Variants in PWWP3A observed in about 807,000 individuals in gnomAD.
PWWP3A encodes PWWP domain-containing DNA repair factor 3A.
A neutral mutation model predicts 79.0 loss-of-function variants in PWWP3A; 53 were observed. The ratio of observed to expected loss-of-function variants is 0.67; its 90% CI spans 0.54 to 0.84. The LOEUF is 0.84. Ranked by LOEUF, PWWP3A falls within the 40% of genes least tolerant of loss-of-function variation. The pLI, the probability that PWWP3A is intolerant of heterozygous loss-of-function variation, is 0.00. For synonymous variants in PWWP3A, 443 were observed against 394.4 expected (o/e 1.12, Z -1.46); for missense variants, 973 against 948.0 (o/e 1.03, Z -0.35).
rs1482930212 is a variant in PWWP3A at position 1,369,257 on chromosome 19, C to T, written c.1423-8C>T. 3 of 1,613,868 alleles carry T rather than the reference C, an allele frequency of 1.9e-6. No homozygotes were observed. Among genetic ancestry groups the T allele is most frequent in the African/African-American group, 2.7e-5 (2 of 74,936 alleles). ...CCACTGACGCCTGCTGCCCGGATCT[C>T]ATTGTAGAATCAAGCCAGGGAGGAC... On this transcript the variant is annotated splice_region_variant and splice_polypyrimidine_tract_variant and intron_variant, in intron 9 of 13. Coordinates refer to ENST00000591337, the MANE Select transcript of PWWP3A (RefSeq NM_001369789.1). This position sits in a 1 kb window ranked among gnomAD's most constrained non-coding sequence, Gnocchi z 4.0.
intron 7 of PWWP3A, among the ~76,000 whole-genome samples, chr19:1,365,551 G>A (rs1163969717): frequency 6.6e-6 from 1 of 152,278 alleles, no homozygotes; most frequent in East Asian, 1.9e-4. Context: ...GAATCTGTGT[G>A]GTGTTCGCTG....
chr19:1,367,588 G>A (rs760811686), intron 9 of PWWP3A, among the ~76,000 whole-genome samples: 6 of 152,330 alleles, frequency 3.9e-5, no homozygotes, highest in Non-Finnish European at 5.9e-5. Flanking sequence ...CGGTGGCCTC[G>A]GTAGCCAGCC....
intron 13 of PWWP3A, 48 bp downstream of exon 13, chr19:1,373,208 C>A: frequency 1.3e-6 from 2 of 1,546,444 alleles, no homozygotes; most frequent in African/African-American, 1.4e-5. Flanking sequence ...CTCTGCCTTG[C>A]AGTTTCTATT....
chr19:1,360,587 G>C lies in PWWP3A; in HGVS notation c.666G>C (p.Ala222=), dbSNP rs201842628. 22 of 1,614,090 alleles carry C rather than the reference G, an allele frequency of 1.4e-5. No homozygotes were observed. Among genetic ancestry groups the C allele is most frequent in the Non-Finnish European group, 1.7e-6 (2 of 1,180,046 alleles). Residue 222 remains alanine (A), a synonymous_variant, in exon 5 of 14, where the codon GCG becomes GCC. Coordinates refer to ENST00000591337, the MANE Select transcript of PWWP3A (RefSeq NM_001369789.1). The surrounding 1 kb of genome is among the most constrained non-coding windows in gnomAD (Gnocchi z 4.4). ...TLASKRGGNS[A]QKASLCLNGS... ...CAAGTAAGAGGGGAGGAAACTCAGC[G>C]CAGAAGGCTAGCTTGTGCCTGAATG...
Position 1,362,249 on chromosome 19 carries a change from G to C in PWWP3A, c.1112-1G>C, listed in dbSNP as rs770716688. 6.2e-7 allele frequency: 1 copy of C among 1,608,162 alleles called. No individual in the cohort carries two copies. Among genetic ancestry groups the C allele is most frequent in the Non-Finnish European group, 8.5e-7 (1 of 1,177,740 alleles). On this transcript the variant is annotated splice_acceptor_variant, in intron 5 of 13. Coordinates refer to ENST00000591337, the MANE Select transcript of PWWP3A (RefSeq NM_001369789.1). LOFTEE classifies it high-confidence loss of function. ...AAAGTCTAATATCACATTATTGGCAGAGTGCCAGTCTTCCGAAGAGTCCAT... is the reference window on the plus strand; with the variant it reads ...AAAGTCTAATATCACATTATTGGCACAGTGCCAGTCTTCCGAAGAGTCCAT...
intron 4 of PWWP3A, 105 bp downstream of exon 4, chr19:1,358,569 A>T (rs756960695): frequency 6.2e-6 from 10 of 1,601,772 alleles, no homozygotes; most frequent in Non-Finnish European, 8.5e-6. Context: ...CCTGTTCACC[A>T]TGTTTTTCTT....
At chr19:1,376,096 A>G (rs547098350) in intron 13 of PWWP3A, among the ~76,000 whole-genome samples, 1 of 148,780 alleles carries the variant, frequency 6.7e-6, no homozygotes, top group African/African-American at 2.5e-5. Flanking sequence ...GGCGTGAGCC[A>G]AAGTGCCTGG....
chr19:1,377,108 T>C lies in PWWP3A; in HGVS notation c.*532T>C, dbSNP rs916386660. ...GCAGCTGTGAGGAAACAGCCTTCGT[T>C]AGAGGCGGGAGCAGAGACGAGCCGC... On this transcript the variant is annotated 3_prime_UTR_variant, in exon 14 of 14. Transcript: ENST00000591337. 1.3e-5 allele frequency: 2 copies of C among 152,660 alleles called. No individual in the cohort carries two copies. Among genetic ancestry groups the C allele is most frequent in the African/African-American group, 4.8e-5 (2 of 41,356 alleles). 9.5% of individuals were successfully genotyped at this position (152,660 alleles called of 1,614,324 possible).
chr19:1,358,282 A>C lies in PWWP3A; in HGVS notation c.144-112A>C, dbSNP rs868611689. On this transcript the variant is annotated intron_variant, in intron 3 of 13. Coordinates refer to ENST00000591337, the MANE Select transcript of PWWP3A (RefSeq NM_001369789.1). ...TGGCTGTGACTTTTGGTTTAAGTGG[A>C]AGGTTGAGGAGGAAAATGAAAATAA... 12 of 1,005,522 alleles carry C rather than the reference A, an allele frequency of 1.2e-5. No homozygotes were observed. The Middle Eastern group carries it at 8.5e-4, about 71-fold the overall frequency. 62.3% of individuals were successfully genotyped at this position (1,005,522 alleles called of 1,614,324 possible).
rs1474952053 is a variant in PWWP3A, at chr19:1,369,553, C to T, written c.1499-43C>T. The T allele has an allele frequency of 1.9e-6, 3 of 1,611,412 alleles. No homozygotes were observed. The highest frequency in any genetic ancestry group is 1.7e-5 in the Admixed American group (1 of 60,018). ...CCCTGGAACACACTTCCTGGGACTC[C>T]TCTTAGGTCTACACAGTGCTCTCTC... On this transcript the variant is annotated intron_variant, in intron 10 of 13. Transcript: ENST00000591337. This position sits in a 1 kb window ranked among gnomAD's most constrained non-coding sequence, Gnocchi z 4.0.
intron 6 of PWWP3A, among the ~76,000 whole-genome samples, chr19:1,363,991 G>A (rs1390176084): frequency 6.6e-6 from 1 of 151,998 alleles, no homozygotes; most frequent in African/African-American, 2.4e-5. Flanking sequence ...TTTTGGCATT[G>A]AAAATATTTC....
At chr19:1,364,078 A>G (rs1244330298) in intron 6 of PWWP3A, 3 of 494,064 alleles carry the variant, frequency 6.1e-6, no homozygotes, top group Non-Finnish European at 1.2e-5. Context: ...CCTCTTTAGA[A>G]TCTCAGTCCT....
At chr19:1,376,493 A>G (rs776057169) in intron 13 of PWWP3A, 26 bp from the exon 14 acceptor site, 3 of 1,610,754 alleles carry the variant, frequency 1.9e-6, no homozygotes, top group Non-Finnish European at 2.5e-6. Context: ...ATTAATTACT[A>G]AAATGAAGAC....
At chr19:1,355,511 C>T (rs1356338156) in intron 1 of PWWP3A, among the ~76,000 whole-genome samples, 1 of 117,238 alleles carries the variant, frequency 8.5e-6, no homozygotes, top group Non-Finnish European at 1.8e-5. Context: ...TCCCCCATCC[C>T]TGCCACCTGG....
chr19:1,376,771 C>T lies in PWWP3A; in HGVS notation c.*195C>T, dbSNP rs1347978819. The T allele has an allele frequency of 6.1e-6, 3 of 491,860 alleles. No individual in the cohort carries two copies. Among genetic ancestry groups the T allele is most frequent in the South Asian group, 3.3e-5 (1 of 29,894 alleles). The allele number at this position is 491,860 out of a possible 1,614,324, so 30.5% of individuals were successfully genotyped here. A position where few individuals can be genotyped will look rare whatever the true frequency, so the allele number is the denominator to read the frequency against. On this transcript the variant is annotated 3_prime_UTR_variant, in exon 14 of 14. Coordinates refer to ENST00000591337, the MANE Select transcript of PWWP3A (RefSeq NM_001369789.1). Reference sequence around the variant, plus strand: ...TAACACTGAAAGCCAGTTCTCTTTTCCTGGCAGTTTTTTTCATTTTATTTT... The same window carrying T: ...TAACACTGAAAGCCAGTTCTCTTTTTCTGGCAGTTTTTTTCATTTTATTTT...
chr19:1,371,214 C>A (rs1265741810), intron 12 of PWWP3A, 136 bp downstream of exon 12: 2 of 965,486 alleles, frequency 2.1e-6, no homozygotes, highest in Admixed American at 4.0e-5. Context: ...TGGAGGCCTC[C>A]TGTGTTTACA....
chr19:1,360,252 G>C lies in PWWP3A; in HGVS notation c.331G>C (p.Gly111Arg). Residue 111 changes from glycine to arginine, a missense_variant, in exon 5 of 14, where the codon GGG (glycine) becomes CGG (arginine). Physicochemically the swap from Gly to Arg is moderately radical, Grantham distance 125 (BLOSUM62 -2). Coordinates refer to ENST00000591337, the MANE Select transcript of PWWP3A (RefSeq NM_001369789.1). This position sits in a 1 kb window ranked among gnomAD's most constrained non-coding sequence, Gnocchi z 4.4. ...GSIWSQESSAGTGRADRSLRG... is the reference protein window; with the variant it reads ...GSIWSQESSARTGRADRSLRG... ...GATTTGGAGTCAAGAAAGCTCTGCA[G>C]GGACAGGTAGAGCTGACCGGTCTCT... The C allele has an allele frequency of 6.2e-7, 1 of 1,614,110 alleles. No individual in the cohort carries two copies. The highest frequency in any genetic ancestry group is 8.5e-7 in the Non-Finnish European group (1 of 1,179,986).
rs1417531166 is a variant in PWWP3A, at chr19:1,360,954, C to G, written c.1033C>G (p.Leu345Val). ...TGTGACCCCGCGCAGCACCGCCAGG[C>G]TGGGCCCGCCTCCCTCCCACGCCTC... ...ESVTPRSTAR[L>V]GPPPSHASAD... The change falls in exon 5 of 14, where the codon CTG becomes GTG. Residue 345 changes from leucine to valine, a missense_variant. Leu to Val is a conservative substitution (Grantham distance 32, BLOSUM62 1). Transcript: ENST00000591337. This position sits in a 1 kb window ranked among gnomAD's most constrained non-coding sequence, Gnocchi z 4.4. 6.8e-6 allele frequency: 10 copies of G among 1,480,588 alleles called. No homozygotes were observed. Among genetic ancestry groups the G allele is most frequent in the Non-Finnish European group, 9.0e-6 (10 of 1,116,096 alleles). The allele number at this position is 1,480,588 out of a possible 1,614,324, so 91.7% of individuals were successfully genotyped here.
Position 1,357,087 on chromosome 19 carries a change from G to A in PWWP3A, c.136G>A (p.Glu46Lys). The part of the protein sequence containing the change: ...YFLAVQILSL[E>K]EKIKVKSTEV... ...TCTAGCTGTGCAAATCCTCTCTCTAGAGGAAAAGTTAAGTGTTGTGTTGTT... is the reference window on the plus strand; with the variant it reads ...TCTAGCTGTGCAAATCCTCTCTCTAAAGGAAAAGTTAAGTGTTGTGTTGTT... Residue 46 changes from glutamate to lysine, a missense_variant, in exon 3 of 14, where the codon GAG becomes AAG. Glu to Lys is a moderately conservative substitution (Grantham distance 56). Transcript: ENST00000591337. 3 of 1,606,770 alleles carry A rather than the reference G, an allele frequency of 1.9e-6. No homozygotes were observed. The highest frequency in any genetic ancestry group is 1.7e-6 in the Non-Finnish European group (2 of 1,176,472).
Sources: allele counts gnomAD v4.1 joint callset (sites outside exome capture counted in the v4.1 genomes callset), GRCh38; gene constraint gnomAD v4.1.1; non-coding constraint Gnocchi (gnomAD v3.1); transcripts MANE v1.5; gene names NCBI Gene and HGNC (gene_info 2026-07-23, HGNC 2026-07-21).